FAM13A: variants seen among roughly 807,000 people sequenced by gnomAD.
The protein encoded by FAM13A is protein FAM13A.
A neutral mutation model predicts 129.6 loss-of-function variants in FAM13A; 76 were observed. That is an observed-to-expected ratio of 0.59 (90% CI 0.49 to 0.71). The LOEUF (loss-of-function observed/expected upper bound fraction) is 0.71, where lower values mean the gene tolerates loss of function less well. Ranked by LOEUF, FAM13A falls within the 30% of genes least tolerant of loss-of-function variation. FAM13A has a pLI of 0.00. For synonymous variants in FAM13A, 443 were observed against 449.9 expected, an observed-to-expected ratio of 0.98 and a Z score of 0.20; for missense variants, 1,108 against 1,249.3, an observed-to-expected ratio of 0.89 and a Z score of 1.70.
chr4:89,001,505 C>T (rs1312646798), intron 3 of FAM13A, among the ~76,000 whole-genome samples: 2 of 152,018 alleles, frequency 1.3e-5, no homozygotes, highest in African/African-American at 2.4e-5. Flanking sequence ...TTCTGTTTCT[C>T]GCAGAAACAG....
chr4:88,938,292 C>T (rs888104427), intron 4 of FAM13A, 51 bp from the exon 5 acceptor site: 5 of 1,417,054 alleles, frequency 3.5e-6, no homozygotes, highest in East Asian at 4.6e-5. Context: ...CACAACAGTG[C>T]CTGCTAGCTG....
At chr4:88,899,280 G>A (rs1474539202) in intron 6 of FAM13A, among the ~76,000 whole-genome samples, 1 of 152,068 alleles carries the variant, frequency 6.6e-6, no homozygotes, top group Non-Finnish European at 1.5e-5. Flanking sequence ...TCATAAGTGG[G>A]AGCTAAGCTC....
chr4:88,838,732 AAAAAAAG>A lies in FAM13A; in HGVS notation c.1007+12281_1007+12287del, dbSNP rs985023250. 8.4e-3 allele frequency among the ~76,000 whole-genome samples: 1,274 copies of A among 151,914 alleles called. 65 individuals are homozygous for A. The highest frequency in any genetic ancestry group is 2.5e-3 in the Non-Finnish European group (173 of 68,000). On this transcript the variant is annotated intron_variant, in intron 7 of 23. Transcript: ENST00000264344. ...ACAGAGCAAGACTCCGTCTCAAAAA[AAAAAAAG>A]AAAAAGAAAAAGAAAATACACATTT... is the stretch of plus-strand genomic sequence containing the variant.
intron 3 of FAM13A, among the ~76,000 whole-genome samples, chr4:89,011,418 A>G (rs1765719500): frequency 1.3e-5 from 2 of 152,174 alleles, no homozygotes; most frequent in African/African-American, 2.4e-5. Context: ...TATTTATCTG[A>G]TACAGATGGT....
At chr4:88,944,759 T>C (rs1755383480) in intron 4 of FAM13A, among the ~76,000 whole-genome samples, 1 of 151,958 alleles carries the variant, frequency 6.6e-6, no homozygotes, top group African/African-American at 2.4e-5. Context: ...AAAAATTAGC[T>C]GGGCATGGTG....
At chr4:88,844,514 A>G (rs748151336) in intron 7 of FAM13A, among the ~76,000 whole-genome samples, 3 of 152,216 alleles carry the variant, frequency 2.0e-5, no homozygotes, top group Non-Finnish European at 4.4e-5. Context: ...ACATAGGATT[A>G]TTATAATTTG....
intron 1 of FAM13A, among the ~76,000 whole-genome samples, chr4:89,045,658 C>A (rs943188339): frequency 6.6e-6 from 1 of 152,140 alleles, no homozygotes; most frequent in African/African-American, 2.4e-5. Context: ...ATAAGAGTGG[C>A]CTCAAATTTA....
intron 7 of FAM13A, among the ~76,000 whole-genome samples, chr4:88,849,021 T>C (rs1215673071): frequency 1.3e-5 from 2 of 152,210 alleles, no homozygotes; most frequent in African/African-American, 2.4e-5. Flanking sequence ...ATGTGTTTTG[T>C]ATTGTATTTG....
chr4:88,925,215 A>G (rs1286029455), intron 5 of FAM13A, among the ~76,000 whole-genome samples: 1 of 152,188 alleles, frequency 6.6e-6, no homozygotes, highest in Non-Finnish European at 1.5e-5. Flanking sequence ...GTATATACTC[A>G]ATGGACTATA....
intron 8 of FAM13A, among the ~76,000 whole-genome samples, chr4:88,796,812 T>G (rs1418200107): frequency 6.6e-6 from 1 of 152,076 alleles, no homozygotes; most frequent in East Asian, 1.9e-4. Context: ...CTTTGTACTT[T>G]CTAATTTGGG....
chr4:88,745,776 A>C (rs1181955405), intron 19 of FAM13A, among the ~76,000 whole-genome samples: 1 of 152,216 alleles, frequency 6.6e-6, no homozygotes, highest in Non-Finnish European at 1.5e-5. Flanking sequence ...CTTGGCTGAA[A>C]CATGAACATT....
intron 7 of FAM13A, among the ~76,000 whole-genome samples, chr4:88,819,881 T>C (rs1731552373): frequency 6.6e-6 from 1 of 152,194 alleles, no homozygotes; most frequent in Non-Finnish European, 1.5e-5. Flanking sequence ...AGATCCTGTC[T>C]TTAAGCCATG....
At chr4:88,752,647 C>T (rs1228942016) in intron 14 of FAM13A, among the ~76,000 whole-genome samples, 3 of 152,102 alleles carry the variant, frequency 2.0e-5, no homozygotes, top group South Asian at 2.1e-4. Flanking sequence ...CTAACACTAT[C>T]GGTCTGCTCC....
chr4:88,912,694 C>T (rs948925780), intron 5 of FAM13A, among the ~76,000 whole-genome samples: 5 of 152,136 alleles, frequency 3.3e-5, no homozygotes, highest in Admixed American at 6.5e-5. Context: ...CAGTTGGCTG[C>T]TGCTCCTCCT....
At chr4:88,886,417 C>T (rs373728127) in intron 6 of FAM13A, among the ~76,000 whole-genome samples, 1 of 148,502 alleles carries the variant, frequency 6.7e-6, no homozygotes, top group African/African-American at 2.5e-5. Context: ...GGTGAAACCC[C>T]ATCTCTACTA....
chr4:88,847,625 T>G (rs1736859460), intron 7 of FAM13A, among the ~76,000 whole-genome samples: 2 of 152,144 alleles, frequency 1.3e-5, no homozygotes, highest in Middle Eastern at 6.8e-3. Flanking sequence ...ATTTTCTGAT[T>G]GGATGAATAA....
intron 2 of FAM13A, among the ~76,000 whole-genome samples, chr4:89,024,813 C>A (rs540119055): frequency 1.1e-4 from 17 of 152,252 alleles, no homozygotes; most frequent in African/African-American, 4.1e-4. Context: ...TAATTAACTA[C>A]ATAGCCTTTC....
At chr4:88,854,109 TCTC>T (rs2150000138) in intron 6 of FAM13A, among the ~76,000 whole-genome samples, 1 of 152,308 alleles carries the variant, frequency 6.6e-6, no homozygotes, top group Non-Finnish European at 1.5e-5. Flanking sequence ...GTGAGTCAAT[TCTC>T]CTAATAAACT....
chr4:88,907,852 AG>A (rs1278039576), intron 5 of FAM13A, among the ~76,000 whole-genome samples: 1 of 152,232 alleles, frequency 6.6e-6, no homozygotes, highest in African/African-American at 2.4e-5. Context: ...AGTTTTGTAA[AG>A]GTCAACTAGT....
Sources: gnomAD v4.1 joint callset for allele counts (sites outside exome capture counted in the v4.1 genomes callset) on GRCh38, gnomAD v4.1.1 for gene constraint, MANE v1.5 for transcripts, NCBI Gene and HGNC (gene_info 2026-07-23, HGNC 2026-07-21) for gene names.